Variants in PGM2L1 observed in about 807,000 individuals in gnomAD.
PGM2L1 encodes phosphoglucomutase 2 like 1, also known as glucose 1,6-bisphosphate synthase.
A neutral mutation model predicts 73.4 loss-of-function variants in PGM2L1; 35 were observed. That is an observed-to-expected ratio of 0.48 (90% confidence interval 0.36 to 0.63). The LOEUF (loss-of-function observed/expected upper bound fraction) is 0.63, where lower values mean the gene tolerates loss of function less well. Among genes scored for constraint, PGM2L1 ranks in the 30% least tolerant of loss-of-function variants. The probability of loss-of-function intolerance (pLI) is 0.00; values close to 1 mark genes in which losing one functional copy is unlikely to be tolerated. For missense variants in PGM2L1, 570 were observed against 742.0 expected (o/e 0.77, Z 2.69); for synonymous variants, 225 against 253.8 (o/e 0.89, Z 1.08).
intron 1 of PGM2L1, among the ~76,000 whole-genome samples, chr11:74,393,385 T>A (rs1381192416): frequency 6.6e-6 from 1 of 152,034 alleles, no homozygotes; most frequent in Non-Finnish European, 1.5e-5. Context: ...GACCCTGGAG[T>A]AGACCACCTT....
chr11:74,391,827 C>T (rs572836044), intron 1 of PGM2L1, among the ~76,000 whole-genome samples: 2 of 143,434 alleles, frequency 1.4e-5, no homozygotes, highest in African/African-American at 5.3e-5. Context: ...CTTATATAAG[C>T]TGGTATGGGT....
At chr11:74,340,955 T>C (rs2134881445) in intron 12 of PGM2L1, among the ~76,000 whole-genome samples, 1 of 152,232 alleles carries the variant, frequency 6.6e-6, no homozygotes, top group South Asian at 2.1e-4. Flanking sequence ...TACATGTAGG[T>C]AAGTAAGTAA....
intron 5 of PGM2L1, among the ~76,000 whole-genome samples, chr11:74,357,035 G>C (rs1162989611): frequency 1.3e-5 from 2 of 152,130 alleles, no homozygotes; most frequent in Admixed American, 6.5e-5. Flanking sequence ...TTTTAGTAGA[G>C]ATGGGGTTTC....
At chr11:74,361,248 G>A (rs910358844) in intron 5 of PGM2L1, among the ~76,000 whole-genome samples, 5 of 152,142 alleles carry the variant, frequency 3.3e-5, no homozygotes, top group Non-Finnish European at 5.9e-5. Context: ...AGCAATATTC[G>A]CTGTTCTGCA....
intron 1 of PGM2L1, among the ~76,000 whole-genome samples, chr11:74,379,081 A>T (rs1468625041): frequency 6.6e-6 from 1 of 152,204 alleles, no homozygotes; most frequent in Non-Finnish European, 1.5e-5. Context: ...GAGGCTGGGT[A>T]ATTTATAAAG....
At chr11:74,388,605 C>T (rs573060190) in intron 1 of PGM2L1, among the ~76,000 whole-genome samples, 16 of 152,248 alleles carry the variant, frequency 1.1e-4, no homozygotes, top group South Asian at 4.2e-4. Context: ...AAGAGGTTTT[C>T]TAACAAGGTA....
chr11:74,348,612 T>C lies in PGM2L1; in HGVS notation c.750-1275A>G, dbSNP rs552867521. ...GTGTCTCAAAAATACTTTTAACAGT[T>C]GTTTTACTTGAAGCAGGACCTGAAC... is the stretch of plus-strand genomic sequence containing the variant. On this transcript the variant is annotated intron_variant, in intron 6 of 13. Transcript: ENST00000298198. Among the ~76,000 whole-genome samples, 7 of 152,322 alleles carry C rather than the reference T, an allele frequency of 4.6e-5. No individual in the cohort carries two copies. In the South Asian group the frequency reaches 1.2e-3, roughly 27 times the overall value.
intron 1 of PGM2L1, among the ~76,000 whole-genome samples, chr11:74,393,480 A>G (rs1365935859): frequency 2.0e-5 from 3 of 152,212 alleles, no homozygotes; most frequent in Non-Finnish European, 2.9e-5. Context: ...TATCTGGGCT[A>G]CATTAGGAGG....
chr11:74,347,863 T>A (rs1862292741), intron 6 of PGM2L1, among the ~76,000 whole-genome samples: 1 of 152,180 alleles, frequency 6.6e-6, no homozygotes, highest in Admixed American at 6.5e-5. Flanking sequence ...CACAAAAGGA[T>A]TGAACAGCTT....
chr11:74,344,491 CAG>C (rs1469804458), intron 9 of PGM2L1, among the ~76,000 whole-genome samples: 1 of 152,080 alleles, frequency 6.6e-6, no homozygotes, highest in East Asian at 1.9e-4. Context: ...GAAAGAGTTT[CAG>C]AGTCAACAGA....
At chr11:74,371,921 G>A in intron 2 of PGM2L1, 104 bp from the exon 3 acceptor site, 1 of 969,876 alleles carries the variant, frequency 1.0e-6, no homozygotes, top group Non-Finnish European at 1.6e-6. Flanking sequence ...CTGGCTGCTA[G>A]GGAAGTGGCT....
intron 1 of PGM2L1, among the ~76,000 whole-genome samples, chr11:74,377,795 C>T (rs111663312): frequency 4.6e-5 from 7 of 152,174 alleles, no homozygotes; most frequent in African/African-American, 1.7e-4. Flanking sequence ...TCACAAATTG[C>T]TCTCCTTTTC....
intron 1 of PGM2L1, among the ~76,000 whole-genome samples, chr11:74,379,874 G>C (rs183773794): frequency 6.6e-6 from 1 of 152,048 alleles, no homozygotes; most frequent in South Asian, 2.1e-4. Context: ...AGAGTGAGCC[G>C]AGATCATGAC....
intron 1 of PGM2L1, among the ~76,000 whole-genome samples, chr11:74,389,415 TAAG>T (rs1454439095): frequency 6.6e-6 from 1 of 152,148 alleles, no homozygotes; most frequent in African/African-American, 2.4e-5. Context: ...TTTTTTTAAA[TAAG>T]AGGAGAGGAA....
intron 5 of PGM2L1, chr11:74,354,643 G>T (rs550367515): frequency 1.8e-6 from 2 of 1,139,470 alleles, no homozygotes; most frequent in African/African-American, 1.5e-5. Context: ...TGTGGAGGAG[G>T]TGGATGCAGC....
At chr11:74,366,968 G>A (rs1418314688) in intron 5 of PGM2L1, among the ~76,000 whole-genome samples, 1 of 152,194 alleles carries the variant, frequency 6.6e-6, no homozygotes, top group African/African-American at 2.4e-5. Context: ...GGATGCTTAG[G>A]TTCAGATAGA....
At chr11:74,397,931 GC>G in intron 1 of PGM2L1, 119 bp downstream of exon 1, 2 of 1,376,494 alleles carry the variant, frequency 1.5e-6, no homozygotes, top group Non-Finnish European at 1.9e-6. Context: ...CTGCTCCGCT[GC>G]CCCCCGCTCG....
rs763967330 is a variant in PGM2L1, at chr11:74,398,046, C to T, written c.111+5G>A. The T allele has an allele frequency of 1.2e-6, 2 of 1,602,458 alleles. No individual in the cohort carries two copies. The highest frequency in any genetic ancestry group is 1.7e-6 in the Non-Finnish European group (2 of 1,173,814). ...CGGCGTTTGCCGGGCTGACCAGGTA[C>T]CCACCTTATCCCAGCGGAGCCACTG... On this transcript the variant is annotated splice_donor_5th_base_variant and intron_variant, in intron 1 of 13. Coordinates refer to ENST00000298198, the MANE Select transcript of PGM2L1 (RefSeq NM_173582.6).
Position 74,347,071 on chromosome 11 carries a change from T to A in PGM2L1, c.939+77A>T, listed in dbSNP as rs547540256. On this transcript the variant is annotated intron_variant, in intron 7 of 13. Transcript: ENST00000298198. ...CAGTCCTTTCTGCTTTTGTAAGTAATCTTTGAATTGTCAATGAGTTCTATC... is the reference window on the plus strand; with the variant it reads ...CAGTCCTTTCTGCTTTTGTAAGTAAACTTTGAATTGTCAATGAGTTCTATC... The A allele has an allele frequency of 4.4e-4, 536 of 1,206,372 alleles. 2 individuals carry two copies. Among genetic ancestry groups the A allele is most frequent in the Non-Finnish European group, 5.6e-4 (494 of 889,040 alleles). The allele number at this position is 1,206,372 out of a possible 1,614,324, so 74.7% of individuals were successfully genotyped here.
Sources: allele counts gnomAD v4.1 joint callset (sites outside exome capture counted in the v4.1 genomes callset), GRCh38; gene constraint gnomAD v4.1.1; transcripts MANE v1.5; gene names NCBI Gene and HGNC (gene_info 2026-07-23, HGNC 2026-07-21).